The following QPRT variants were observed in gnomAD, a reference collection of about 807,000 sequenced individuals.
The protein encoded by QPRT is quinolinate phosphoribosyltransferase, also known as nicotinate-nucleotide pyrophosphorylase [carboxylating].
In QPRT, 17 loss-of-function variants were observed where a neutral mutation model predicts 19.8. The ratio of observed to expected loss-of-function variants is 0.86; its 90% confidence interval spans 0.59 to 1.29. The LOEUF (loss-of-function observed/expected upper bound fraction) is 1.29, where lower values mean the gene tolerates loss of function less well. QPRT is among the 50% of genes most tolerant of loss of function. The pLI, the probability that QPRT is intolerant of heterozygous loss-of-function variation, is 0.00. For missense variants in QPRT, 336 were observed against 405.1 expected (o/e 0.83, Z 1.46); for synonymous variants, 178 against 191.0 (o/e 0.93, Z 0.56).
intron 1 of QPRT, among the ~76,000 whole-genome samples, chr16:29,680,692 G>A (rs1355407032): frequency 6.6e-6 from 1 of 152,142 alleles, no homozygotes; most frequent in East Asian, 1.9e-4. Flanking sequence ...TGTAATCCCA[G>A]CACTTTGGGA....
chr16:29,683,302 T>A (rs1405244129), intron 1 of QPRT, among the ~76,000 whole-genome samples: 1 of 151,846 alleles, frequency 6.6e-6, no homozygotes, highest in Non-Finnish European at 1.5e-5. Flanking sequence ...AGTGCTGGGA[T>A]TACAGGTGTG....
intron 1 of QPRT, among the ~76,000 whole-genome samples, chr16:29,693,529 G>A (rs2142309484): frequency 6.6e-6 from 1 of 151,164 alleles, no homozygotes; most frequent in South Asian, 2.1e-4. Context: ...AAAGTGCTGG[G>A]ATTACAAGCA....
At chr16:29,688,946 A>C (rs1386638239) in intron 1 of QPRT, among the ~76,000 whole-genome samples, 4 of 148,408 alleles carry the variant, frequency 2.7e-5, no homozygotes, top group African/African-American at 1.0e-4. Flanking sequence ...ATGCCCGGCT[A>C]ATTTTTGTAT....
chr16:29,690,521 C>T (rs1230879888), intron 1 of QPRT, among the ~76,000 whole-genome samples: 1 of 151,936 alleles, frequency 6.6e-6, no homozygotes, highest in Non-Finnish European at 1.5e-5. Context: ...CGCCAGATCT[C>T]GGTGGTCAAC....
chr16:29,695,206 G>T lies in QPRT; in HGVS notation c.549+7G>T. The T allele has an allele frequency of 6.6e-7, 1 of 1,526,588 alleles. No homozygotes were observed. The highest frequency in any genetic ancestry group is 8.8e-7 in the Non-Finnish European group (1 of 1,134,326). The allele number at this position is 1,526,588 out of a possible 1,614,324, so 94.6% of individuals were successfully genotyped here. A position where few individuals can be genotyped will look rare whatever the true frequency, so the allele number is the denominator to read the frequency against. ...CGCCGGTGGCGTGGAGAAGGTGCTG[G>T]TCCTGCCTGTCCCTGGTCCAACCCC... On this transcript the variant is annotated splice_region_variant and intron_variant, in intron 2 of 3. Coordinates refer to ENST00000395384, the MANE Select transcript of QPRT (RefSeq NM_014298.6).
At chr16:29,685,386 A>G (rs1967131692) in intron 1 of QPRT, among the ~76,000 whole-genome samples, 1 of 152,020 alleles carries the variant, frequency 6.6e-6, no homozygotes. Context: ...CGGGAGAACC[A>G]CTTGAACCCG....
chr16:29,680,112 C>G (rs1966952899), intron 1 of QPRT, among the ~76,000 whole-genome samples: 1 of 151,972 alleles, frequency 6.6e-6, no homozygotes, highest in South Asian at 2.1e-4. Context: ...CGCCCGCCGC[C>G]ACGCCTGGCT....
rs937854363 is a variant in QPRT at position 29,698,006 on chromosome 16, AAGAG to A, written c.*599_*602del. On this transcript the variant is annotated 3_prime_UTR_variant, in exon 4 of 4. Transcript: ENST00000395384. ...CTCCAAAGAAGAAACAAAGGAAAGA[AAGAG>A]AGAAAGAGAGAGGGAGGGAGGGAGG... 1.4e-5 allele frequency: 2 copies of A among 145,570 alleles called. No individual in the cohort carries two copies. Among genetic ancestry groups the A allele is most frequent in the Non-Finnish European group, 3.0e-5 (2 of 66,018 alleles). The allele number at this position is 145,570 out of a possible 1,614,324, so 9.0% of individuals were successfully genotyped here.
At chr16:29,696,723 G>A (rs1967546279) in intron 2 of QPRT, 1 of 327,334 alleles carries the variant, frequency 3.1e-6, no homozygotes, top group Non-Finnish European at 5.6e-6. Flanking sequence ...AGAGGCTGCA[G>A]TGAGCTATCA....
chr16:29,684,078 T>A (rs370630412), intron 1 of QPRT, among the ~76,000 whole-genome samples: 1 of 152,180 alleles, frequency 6.6e-6, no homozygotes, highest in East Asian at 1.9e-4. Flanking sequence ...CCACTCCTGA[T>A]GATGCTTCTC....
Position 29,698,563 on chromosome 16 carries a change from A to T in QPRT, c.*1152A>T, listed in dbSNP as rs930485713. ...CAGTCACGTTCCCCGCTTGCTTGAG[A>T]TATCATGACCCTTTCACGTGGACCC... On this transcript the variant is annotated 3_prime_UTR_variant, in exon 4 of 4. Coordinates refer to ENST00000395384, the MANE Select transcript of QPRT (RefSeq NM_014298.6). 6.6e-6 allele frequency: 1 copy of T among 152,656 alleles called. No individual in the cohort carries two copies. The highest frequency in any genetic ancestry group is 1.5e-5 in the Non-Finnish European group (1 of 68,044). 9.5% of individuals were successfully genotyped at this position (152,656 alleles called of 1,614,324 possible).
At chr16:29,679,273 C>A (rs1418608312) in intron 1 of QPRT, 63 bp downstream of exon 1, 2 of 1,336,726 alleles carry the variant, frequency 1.5e-6, no homozygotes, top group Admixed American at 1.8e-5. Context: ...CCCCTGCCCC[C>A]ACCCTGGCTT....
In QPRT at chr16:29,694,796, A is replaced by G. The variant is rs1243764468; in HGVS notation, c.146A>G (p.Lys49Arg). The change falls in exon 2 of 4, where the codon AAA (lysine) becomes AGA (arginine). Residue 49 changes from lysine to arginine, a missense_variant. Coordinates refer to ENST00000395384, the MANE Select transcript of QPRT (RefSeq NM_014298.6). ...CCCTCGCAGGCGGCGCTGTGGGCCAAATCCCCTGGGGTACTGGCAGGGCAG... is the reference window on the plus strand; with the variant it reads ...CCCTCGCAGGCGGCGCTGTGGGCCAGATCCCCTGGGGTACTGGCAGGGCAG... ...AGPSQAALWAKSPGVLAGQPF... is the reference protein window; with the variant it reads ...AGPSQAALWARSPGVLAGQPF... 6 of 1,613,910 alleles carry G rather than the reference A, an allele frequency of 3.7e-6. No individual in the cohort carries two copies. Among genetic ancestry groups the G allele is most frequent in the African/African-American group, 1.3e-5 (1 of 74,930 alleles).
chr16:29,694,694 T>C lies in QPRT; in HGVS notation c.44T>C (p.Leu15Pro), dbSNP rs771763877. ...GCGCTGCTGCTGCCGCCCGTCACCC[T>C]GGCAGCCCTGGTGGACAGCTGGCTC... is the stretch of plus-strand genomic sequence containing the variant. ...GLALLLPPVT[L>P]AALVDSWLRE... Residue 15 changes from leucine (L) to proline (P), a missense_variant, in exon 2 of 4, where the codon CTG becomes CCG. Coordinates refer to ENST00000395384, the MANE Select transcript of QPRT (RefSeq NM_014298.6). The C allele has an allele frequency of 3.2e-6, 5 of 1,557,746 alleles. No homozygotes were observed. The highest frequency in any genetic ancestry group is 4.3e-6 in the Non-Finnish European group (5 of 1,150,390).
At chr16:29,694,025 G>A (rs1967433255) in intron 1 of QPRT, among the ~76,000 whole-genome samples, 1 of 151,786 alleles carries the variant, frequency 6.6e-6, no homozygotes, top group Non-Finnish European at 1.5e-5. Context: ...ATGTTGGCCA[G>A]GCTGGCCTTG....
At chr16:29,680,647 G>A (rs1966972483) in intron 1 of QPRT, among the ~76,000 whole-genome samples, 1 of 152,046 alleles carries the variant, frequency 6.6e-6, no homozygotes, top group African/African-American at 2.4e-5. Context: ...GACAATAATA[G>A]TTCCCTGCTC....
intron 1 of QPRT, among the ~76,000 whole-genome samples, chr16:29,680,160 T>G (rs1447892336): frequency 1.3e-5 from 2 of 151,992 alleles, no homozygotes; most frequent in Admixed American, 1.3e-4. Context: ...GGTTTCACCA[T>G]GTTAGCCAGG....
chr16:29,696,393 G>A (rs139275401), intron 2 of QPRT: 1 of 152,454 alleles, frequency 6.6e-6, no homozygotes, highest in East Asian at 1.9e-4. Flanking sequence ...GGGAGGCTGA[G>A]GTGGGAGGAT....
chr16:29,692,438 A>G (rs905549088), intron 1 of QPRT, among the ~76,000 whole-genome samples: 4 of 151,596 alleles, frequency 2.6e-5, no homozygotes, highest in Non-Finnish European at 5.9e-5. Flanking sequence ...AAAATTAGCC[A>G]GGCGTGGTGG....
Sources: gnomAD v4.1 joint callset for allele counts (sites outside exome capture counted in the v4.1 genomes callset) on GRCh38, gnomAD v4.1.1 for gene constraint, MANE v1.5 for transcripts, NCBI Gene and HGNC (gene_info 2026-07-23, HGNC 2026-07-21) for gene names.